Variants in PDZD8 observed in about 807,000 individuals in gnomAD.
PDZD8 encodes PDZ domain-containing protein 8.
In PDZD8, 14 loss-of-function variants were observed where a neutral mutation model predicts 85.8. The observed-to-expected ratio is 0.16, with a 90% CI of 0.11 to 0.26. PDZD8 has a LOEUF of 0.26. PDZD8 is among the 10% of genes least tolerant of loss of function. The pLI is 1.00. For missense variants in PDZD8, 1,197 were observed against 1,424.3 expected (o/e 0.84, Z 2.57); for synonymous variants, 592 against 568.6 (o/e 1.04, Z -0.59).
intron 3 of PDZD8, among the ~76,000 whole-genome samples, chr10:117,306,678 G>GT (rs1564693961): frequency 4.0e-5 from 6 of 150,322 alleles, no homozygotes; most frequent in Admixed American, 6.6e-5. Context: ...TATAAATAAG[G>GT]TTTTTTTTTA....
Position 117,285,357 on chromosome 10 carries a change from T to G in PDZD8, c.1376A>C (p.Gln459Pro), listed in dbSNP as rs775072386. The change falls in exon 5 of 5, where the codon CAA (glutamine) becomes CCA (proline). Residue 459 changes from glutamine (Q) to proline (P), a missense_variant. This residue lies in a region of PDZD8 where 263 missense variants were observed against 261.9 expected (regional missense o/e 1.00). Coordinates refer to ENST00000334464, the MANE Select transcript of PDZD8 (RefSeq NM_173791.5). ...VGQSNQGAVL[Q>P]DNFGQLEENF... ...TTCTTCCAACTGGCCAAAGTTATCT[T>G]GCAGCACTGCACCTTGATTACTCTG... 1.2e-6 allele frequency: 2 copies of G among 1,614,050 alleles called. No individual in the cohort carries two copies.
chr10:117,363,479 A>T (rs191038584), intron 1 of PDZD8, among the ~76,000 whole-genome samples: 24 of 152,250 alleles, frequency 1.6e-4, no homozygotes, highest in African/African-American at 4.6e-4. Context: ...AAAAAACAAT[A>T]GTTATTTATA....
chr10:117,363,899 A>C (rs1431222672), intron 1 of PDZD8, among the ~76,000 whole-genome samples: 1 of 152,202 alleles, frequency 6.6e-6, no homozygotes, highest in Non-Finnish European at 1.5e-5. Context: ...TTGTGATTTC[A>C]TGAAAATTGG....
chr10:117,360,589 A>C (rs2901123), intron 1 of PDZD8, among the ~76,000 whole-genome samples: 22,590 of 152,008 alleles, frequency 0.15, 1,963 homozygotes, highest in East Asian at 0.41. Flanking sequence ...AATAAACATT[A>C]TTTGACAAAA....
intron 3 of PDZD8, among the ~76,000 whole-genome samples, chr10:117,313,981 A>C (rs902980453): frequency 6.6e-6 from 1 of 152,196 alleles, no homozygotes; most frequent in African/African-American, 2.4e-5. Context: ...TCCCATTATC[A>C]TCACTACTAA....
intron 2 of PDZD8, among the ~76,000 whole-genome samples, chr10:117,334,248 A>T (rs1480684272): frequency 6.6e-6 from 1 of 152,222 alleles, no homozygotes; most frequent in Non-Finnish European, 1.5e-5. Context: ...CTTCATGCCC[A>T]GCACTTTGGG....
intron 3 of PDZD8, among the ~76,000 whole-genome samples, chr10:117,305,043 A>G (rs1843910951): frequency 1.3e-5 from 2 of 152,078 alleles, no homozygotes; most frequent in African/African-American, 2.4e-5. Context: ...TCCGACAAAT[A>G]CCATATTTTT....
rs955922042 is a variant in PDZD8, at chr10:117,282,524, C to A, written c.*744G>T. The A allele has an allele frequency of 6.6e-6, 1 of 152,122 alleles. No individual in the cohort carries two copies. Among genetic ancestry groups the A allele is most frequent in the Non-Finnish European group, 1.5e-5 (1 of 68,022 alleles). 9.4% of individuals were successfully genotyped at this position (152,122 alleles called of 1,614,324 possible). ...ACCAACTGCAATCTACATTTATTTCCTATTACATTGTCTTTCAATGTAAGC... is the reference window on the plus strand; with the variant it reads ...ACCAACTGCAATCTACATTTATTTCATATTACATTGTCTTTCAATGTAAGC... On this transcript the variant is annotated 3_prime_UTR_variant, in exon 5 of 5. Coordinates refer to ENST00000334464, the MANE Select transcript of PDZD8 (RefSeq NM_173791.5).
chr10:117,312,027 T>C (rs1313393549), intron 3 of PDZD8, among the ~76,000 whole-genome samples: 1 of 152,038 alleles, frequency 6.6e-6, no homozygotes, highest in African/African-American at 2.4e-5. Flanking sequence ...CTATTTCCCA[T>C]CAGTGCTTTA....
At chr10:117,287,716 T>A (rs2133761545) in intron 4 of PDZD8, among the ~76,000 whole-genome samples, 1 of 152,304 alleles carries the variant, frequency 6.6e-6, no homozygotes, top group East Asian at 1.9e-4. Flanking sequence ...AGCTTTTAAC[T>A]GCAATCTCTC....
Position 117,284,376 on chromosome 10 carries a change from T to C in PDZD8, c.2357A>G (p.Tyr786Cys), listed in dbSNP as rs148069855. 6 of 1,614,218 alleles carry C rather than the reference T, an allele frequency of 3.7e-6. No individual in the cohort carries two copies. The highest frequency in any genetic ancestry group is 1.3e-5 in the African/African-American group (1 of 75,068). ...TTTGAAGTGAATAGTAATGTCACCATAGCAAAATTTGTCATTGAATCCCTT... is the reference window on the plus strand; with the variant it reads ...TTTGAAGTGAATAGTAATGTCACCACAGCAAAATTTGTCATTGAATCCCTT... ...MQKGFNDKFC[Y>C]GDITIHFKYL... The change falls in exon 5 of 5, where the codon TAT becomes TGT. Residue 786 changes from tyrosine to cysteine, a missense_variant. By Grantham distance (194) the Tyr-to-Cys change is radical. Around this residue, in one of 4 missense-constraint regions of PDZD8, gnomAD observed 418 missense variants for 571.1 expected, o/e 0.73. Coordinates refer to ENST00000334464, the MANE Select transcript of PDZD8 (RefSeq NM_173791.5).
At chr10:117,315,527 T>C (rs1299586330) in intron 3 of PDZD8, among the ~76,000 whole-genome samples, 1 of 144,354 alleles carries the variant, frequency 6.9e-6, no homozygotes, top group Admixed American at 7.1e-5. Context: ...GAGGTGGAGG[T>C]TGCAGTGAGC....
At chr10:117,285,704 C>A in intron 4 of PDZD8, 1 of 1,193,264 alleles carries the variant, frequency 8.4e-7, no homozygotes. Flanking sequence ...CTTTTCAAAC[C>A]AGATGATGAC....
Position 117,278,829 on chromosome 10 carries a change from A to G in PDZD8, c.*4439T>C, listed in dbSNP as rs1198720968. 2.0e-5 allele frequency: 3 copies of G among 152,214 alleles called. No individual in the cohort carries two copies. The highest frequency in any genetic ancestry group is 7.2e-5 in the African/African-American group (3 of 41,444). The allele number at this position is 152,214 out of a possible 1,614,324, so 9.4% of individuals were successfully genotyped here. On this transcript the variant is annotated 3_prime_UTR_variant, in exon 5 of 5. Coordinates refer to ENST00000334464, the MANE Select transcript of PDZD8 (RefSeq NM_173791.5). ...AAGCAAACGAACTTCCAACTCACTTATTTGGCATTGGGCAACTTGGCCAAG... is the reference window on the plus strand; with the variant it reads ...AAGCAAACGAACTTCCAACTCACTTGTTTGGCATTGGGCAACTTGGCCAAG...
Position 117,282,975 on chromosome 10 carries a change from A to G in PDZD8, c.*293T>C, listed in dbSNP as rs1417367655. 1 of 318,856 alleles carries G rather than the reference A, an allele frequency of 3.1e-6. No individual in the cohort carries two copies. Among genetic ancestry groups the G allele is most frequent in the Non-Finnish European group, 5.7e-6 (1 of 176,084 alleles). The allele number at this position is 318,856 out of a possible 1,614,324, so 19.8% of individuals were successfully genotyped here. A position where few individuals can be genotyped will look rare whatever the true frequency, so the allele number is the denominator to read the frequency against. ...ACAAGGGGACACCATACATACATAA[A>G]CATGAAAAGCTAGCTTACATAATTA... On this transcript the variant is annotated 3_prime_UTR_variant, in exon 5 of 5. Transcript: ENST00000334464.
chr10:117,355,743 T>C (rs920112496), intron 1 of PDZD8, among the ~76,000 whole-genome samples: 1 of 152,200 alleles, frequency 6.6e-6, no homozygotes, highest in Non-Finnish European at 1.5e-5. Context: ...ATTATTACTG[T>C]TCAGCTTAAA....
rs1232467281 is a variant in PDZD8 at position 117,281,812 on chromosome 10, C to T, written c.*1456G>A. The T allele has an allele frequency of 6.6e-6, 1 of 152,156 alleles. No homozygotes were observed. The highest frequency in any genetic ancestry group is 1.9e-4 in the East Asian group (1 of 5,196). The allele number at this position is 152,156 out of a possible 1,614,324, so 9.4% of individuals were successfully genotyped here. On this transcript the variant is annotated 3_prime_UTR_variant, in exon 5 of 5. Coordinates refer to ENST00000334464, the MANE Select transcript of PDZD8 (RefSeq NM_173791.5). Reference sequence around the variant, plus strand: ...CCCCAGTCCTTAATATTACACCATGCTTTTTCCTGCCAGCAATAAAAGCTG... The same window carrying T: ...CCCCAGTCCTTAATATTACACCATGTTTTTTCCTGCCAGCAATAAAAGCTG...
intron 3 of PDZD8, among the ~76,000 whole-genome samples, chr10:117,302,024 T>A (rs1843856420): frequency 6.6e-6 from 1 of 152,214 alleles, no homozygotes; most frequent in Non-Finnish European, 1.5e-5. Flanking sequence ...ATTATAATTC[T>A]GAAAAGTTAA....
intron 1 of PDZD8, among the ~76,000 whole-genome samples, chr10:117,362,336 C>A (rs1055094339): frequency 2.0e-5 from 3 of 152,038 alleles, no homozygotes; most frequent in African/African-American, 7.2e-5. Flanking sequence ...TTACATAATT[C>A]TTTTCTCTAA....
Sources: gnomAD v4.1 joint callset for allele counts (sites outside exome capture counted in the v4.1 genomes callset) on GRCh38, gnomAD v4.1.1 for gene constraint, gnomAD v4.1.1 regional missense constraint, MANE v1.5 for transcripts, NCBI Gene and HGNC (gene_info 2026-07-23, HGNC 2026-07-21) for gene names.